Variants in SCAF11 observed in about 807,000 individuals in gnomAD.
SCAF11 encodes protein SCAF11.
A neutral mutation model predicts 140.5 loss-of-function variants in SCAF11; 47 were observed. That is an observed-to-expected ratio of 0.33 (90% CI 0.26 to 0.43). The LOEUF (loss-of-function observed/expected upper bound fraction) is 0.43. Ranked by LOEUF, SCAF11 falls within the 20% of genes least tolerant of loss-of-function variation. The pLI is 1.00. For synonymous variants in SCAF11, 557 were observed against 579.4 expected (o/e 0.96, Z 0.55); for missense variants, 1,645 against 1,705.1 (o/e 0.96, Z 0.62).
chr12:45,931,322 A>G, intron 10 of SCAF11, 184 bp downstream of exon 10: 1 of 373,552 alleles, frequency 2.7e-6, no homozygotes, highest in Non-Finnish European at 4.9e-6. Context: ...CTATCTATAT[A>G]TACATACACT....
At chr12:45,961,934 T>C in intron 2 of SCAF11, 77 bp from the exon 3 acceptor site, 1 of 1,147,470 alleles carries the variant, frequency 8.7e-7, no homozygotes, top group East Asian at 2.6e-5. Context: ...GTATAGTGGA[T>C]TAGATACTCT....
chr12:45,964,030 G>C, intron 2 of SCAF11, 77 bp downstream of exon 2: 2 of 737,916 alleles, frequency 2.7e-6, no homozygotes, highest in South Asian at 1.7e-5. Flanking sequence ...TGTGTATTCT[G>C]AAATGTATAC....
In SCAF11 at chr12:45,923,127, T is replaced by C. The variant is rs377666784; in HGVS notation, c.3934A>G (p.Asn1312Asp). The change falls in exon 13 of 15, where the codon AAT becomes GAT. Residue 1312 changes from asparagine to aspartate, a missense_variant. Physicochemically the swap from Asn to Asp is conservative, Grantham distance 23. Around this residue, in one of 2 missense-constraint regions of SCAF11, gnomAD observed 1,582 missense variants for 1,609.2 expected, o/e 0.98. Transcript: ENST00000369367. ...GGCAAAACTGGTGTACTCATGTTAT[T>C]ACTTACATGAGAAGAACTAGGAATA... ...QGIPSSSHVSNNMSTPVLPAP... is the reference protein window; with the variant it reads ...QGIPSSSHVSDNMSTPVLPAP... 4.6e-5 allele frequency: 75 copies of C among 1,614,138 alleles called. No individual in the cohort carries two copies. In the Middle Eastern group the frequency reaches 1.5e-3, roughly 32 times the overall value.
rs76158253 is a variant in SCAF11 at position 45,947,984 on chromosome 12, A to C, written c.398+453T>G. The stretch of plus-strand genomic sequence containing the variant: ...GAGCCACCACACCTGGCCAGCATTC[A>C]GAAATTTTACATTGCTGAACATTTT... On this transcript the variant is annotated intron_variant, in intron 5 of 14. Coordinates refer to ENST00000369367, the MANE Select transcript of SCAF11 (RefSeq NM_004719.3). 2.6e-3 allele frequency among the ~76,000 whole-genome samples: 402 copies of C among 152,342 alleles called. No homozygotes were observed. The Middle Eastern group carries it at 0.034, about 13-fold the overall frequency.
At chr12:45,974,566 C>T (rs573514279) in intron 1 of SCAF11, 6 of 187,022 alleles carry the variant, frequency 3.2e-5, no homozygotes, top group Admixed American at 2.2e-4. Flanking sequence ...AAACCACATT[C>T]TTTGTTCATC....
intron 1 of SCAF11, among the ~76,000 whole-genome samples, chr12:45,973,011 T>G (rs12813804): frequency 2.2e-5 from 3 of 137,086 alleles, no homozygotes; most frequent in African/African-American, 8.1e-5. Context: ...GATATATATA[T>G]AGATATATAG....
chr12:45,928,831 T>C lies in SCAF11; in HGVS notation c.870A>G (p.Ala290=), dbSNP rs760938196. The change falls in exon 11 of 15, where the codon GCA becomes GCG. Residue 290 remains alanine, a synonymous_variant. Transcript: ENST00000369367. ...FGTSCKGYAL[A]HTQEGEEKKQ... The stretch of plus-strand genomic sequence containing the variant: ...TCTTTTCTTCCCCTTCTTGAGTATG[T>C]GCTAATGCATATCCCTTGCAAGAAG... 4 of 1,608,654 alleles carry C rather than the reference T, an allele frequency of 2.5e-6. No individual in the cohort carries two copies. The highest frequency in any genetic ancestry group is 1.6e-4 in the Middle Eastern group (1 of 6,066).
chr12:45,930,766 A>G (rs1183103193), intron 10 of SCAF11, among the ~76,000 whole-genome samples: 1 of 152,074 alleles, frequency 6.6e-6, no homozygotes, highest in Non-Finnish European at 1.5e-5. Flanking sequence ...AGATTTGTAT[A>G]TATTTTATGG....
chr12:45,947,174 C>G (rs1422313358), intron 5 of SCAF11, among the ~76,000 whole-genome samples: 1 of 152,168 alleles, frequency 6.6e-6, no homozygotes, highest in Non-Finnish European at 1.5e-5. Flanking sequence ...AACATATTGA[C>G]TTAAAAATTC....
upstream of SCAF11, among the ~76,000 whole-genome samples, chr12:45,990,805 A>C (rs1342864341): frequency 6.6e-6 from 1 of 152,108 alleles, no homozygotes; most frequent in Non-Finnish European, 1.5e-5. Flanking sequence ...TGGTGGGTGG[A>C]GTCACGTCAC....
At chr12:45,926,027 GT>G in intron 11 of SCAF11, 114 bp downstream of exon 11, 1 of 1,101,394 alleles carries the variant, frequency 9.1e-7, no homozygotes, top group South Asian at 1.7e-5. Flanking sequence ...AACAACTAAG[GT>G]TCAGCTTATT....
intron 3 of SCAF11, among the ~76,000 whole-genome samples, chr12:45,958,472 T>A (rs569724833): frequency 6.6e-6 from 1 of 152,236 alleles, no homozygotes; most frequent in Admixed American, 6.5e-5. Context: ...AGTTCAAATG[T>A]CTTTGATTAA....
chr12:45,969,625 GTTGC>G (rs1051540322), intron 1 of SCAF11, among the ~76,000 whole-genome samples: 5 of 152,198 alleles, frequency 3.3e-5, no homozygotes, highest in African/African-American at 1.2e-4. Flanking sequence ...TAATAAAACT[GTTGC>G]TTGCCACTTT....
At chr12:45,964,908 G>A (rs909927198) in intron 1 of SCAF11, among the ~76,000 whole-genome samples, 2 of 151,038 alleles carry the variant, frequency 1.3e-5, no homozygotes, top group Admixed American at 6.6e-5. Flanking sequence ...TTGAGCGGGT[G>A]AGAGAAAACA....
In SCAF11 at chr12:45,961,759, C is replaced by A. The variant is rs766052446; in HGVS notation, c.160G>T (p.Gly54Cys). The A allele has an allele frequency of 6.2e-7, 1 of 1,612,756 alleles. No individual in the cohort carries two copies. Among genetic ancestry groups the A allele is most frequent in the African/African-American group, 1.3e-5 (1 of 74,812 alleles). Residue 54 changes from glycine to cysteine, a missense_variant, in exon 3 of 15, where the codon GGT (glycine) becomes TGT (cysteine). Gly to Cys is a radical substitution (Grantham distance 159). Coordinates refer to ENST00000369367, the MANE Select transcript of SCAF11 (RefSeq NM_004719.3). The part of the protein sequence containing the change: ...CLNCLLEKEV[G>C]FPESCNHVFC... Reference sequence around the variant, plus strand: ...ACATGATTACAGCTTTCTGGAAAACCAACTTCCTTTTCTAATAGACAATTA... The same window carrying A: ...ACATGATTACAGCTTTCTGGAAAACAAACTTCCTTTTCTAATAGACAATTA...
intron 1 of SCAF11, among the ~76,000 whole-genome samples, chr12:45,972,704 C>G (rs1258542418): frequency 6.8e-6 from 1 of 147,544 alleles, no homozygotes; most frequent in Non-Finnish European, 1.5e-5. Context: ...AGAACACAAT[C>G]CAAAATTACT....
chr12:45,989,454 T>C (rs1315402382), intron 1 of SCAF11, among the ~76,000 whole-genome samples: 1 of 152,246 alleles, frequency 6.6e-6, no homozygotes, highest in Non-Finnish European at 1.5e-5. Context: ...GTAGACACTG[T>C]ATGTAATACA....
chr12:45,923,830 C>T (rs117725696), intron 12 of SCAF11, among the ~76,000 whole-genome samples: 1,730 of 151,586 alleles, frequency 0.011, 11 homozygotes, highest in Non-Finnish European at 0.018. Flanking sequence ...TACAGGAATG[C>T]ATCACCGCGC....
chr12:45,956,297 T>C (rs989813807), intron 3 of SCAF11: 5 of 634,310 alleles, frequency 7.9e-6, no homozygotes, highest in Non-Finnish European at 1.4e-5. Flanking sequence ...CGAACATCTA[T>C]CTCTCTACTA....
Sources: allele counts gnomAD v4.1 joint callset (sites outside exome capture counted in the v4.1 genomes callset), GRCh38; gene constraint gnomAD v4.1.1; regional missense constraint gnomAD v4.1.1; transcripts MANE v1.5; gene names NCBI Gene and HGNC (gene_info 2026-07-23, HGNC 2026-07-21).